The following TCF20 variants were observed in gnomAD, a reference collection of about 807,000 sequenced individuals.
TCF20 encodes transcription factor 20.
Under a neutral mutation model 148.6 loss-of-function variants are expected in TCF20, and 3 were observed. The observed-to-expected ratio is 0.02, with a 90% CI of 0.01 to 0.05. TCF20 has a LOEUF of 0.05. TCF20 is among the 10% of genes least tolerant of loss of function. TCF20 has a pLI of 1.00. For synonymous variants in TCF20, 1,049 were observed against 909.5 expected (o/e 1.15, Z -2.76); for missense variants, 2,350 against 2,429.3 (o/e 0.97, Z 0.69).
chr22:42,307,340 A>C (rs956457421), intron 1 of TCF20, among the ~76,000 whole-genome samples: 1 of 152,188 alleles, frequency 6.6e-6, no homozygotes, highest in South Asian at 2.1e-4. Flanking sequence ...TTCCATCTGC[A>C]CTTAGGCCCA....
At position 42,213,630 on chromosome 22, in the gene TCF20, G is replaced by A. The variant is rs542391202; in HGVS notation, c.1676C>T (p.Ser559Leu). ...TTCATTCTGAGCACCTTGTGCCGGTGAGGAGCCAGCTTTCTCAGAGGCTCC... is the reference window on the plus strand; with the variant it reads ...TTCATTCTGAGCACCTTGTGCCGGTAAGGAGCCAGCTTTCTCAGAGGCTCC... Reference protein sequence around the residue: ...KGGASEKAGSSPAQGAQNEPP... With the variant: ...KGGASEKAGSLPAQGAQNEPP... The change falls in exon 2 of 6, where the codon TCA (serine) becomes TTA (leucine). Residue 559 changes from serine (S) to leucine (L), a missense_variant. Ser to Leu is a moderately radical substitution (Grantham distance 145, BLOSUM62 -2). Coordinates refer to ENST00000677622, the MANE Select transcript of TCF20 (RefSeq NM_001378418.1). The A allele has an allele frequency of 1.3e-4, 210 of 1,614,162 alleles. 1 individual carries two copies. In the South Asian group the frequency reaches 2.1e-3, roughly 16 times the overall value.
At chr22:42,183,802 C>T (rs190413776) in intron 2 of TCF20, among the ~76,000 whole-genome samples, 119 of 145,280 alleles carry the variant, frequency 8.2e-4, no homozygotes, top group African/African-American at 2.9e-3. Context: ...GATGGAGTTT[C>T]GCTCTTGTCG....
intron 3 of TCF20, among the ~76,000 whole-genome samples, chr22:42,173,076 C>T (rs1005989636): frequency 2.6e-5 from 4 of 151,196 alleles, no homozygotes; most frequent in African/African-American, 9.7e-5. Context: ...GCTACTGCAA[C>T]GAGAGCTGCA....
At chr22:42,222,669 T>C (rs1263547889) in intron 1 of TCF20, among the ~76,000 whole-genome samples, 1 of 152,224 alleles carries the variant, frequency 6.6e-6, no homozygotes, top group Non-Finnish European at 1.5e-5. Context: ...CATGAGATCA[T>C]ATGGTTCTTA....
At chr22:42,205,053 TTC>T (rs936700972) in intron 2 of TCF20, among the ~76,000 whole-genome samples, 1 of 152,224 alleles carries the variant, frequency 6.6e-6, no homozygotes, top group African/African-American at 2.4e-5. Flanking sequence ...CAGATCTACC[TTC>T]TGTCACATCC....
intron 1 of TCF20, among the ~76,000 whole-genome samples, chr22:42,231,964 TTAA>T (rs1923458630): frequency 6.7e-6 from 1 of 150,262 alleles, no homozygotes; most frequent in African/African-American, 2.4e-5. Flanking sequence ...TAATCTAAGG[TTAA>T]TAATATCAAA....
chr22:42,175,621 G>A (rs1183225899), intron 3 of TCF20, among the ~76,000 whole-genome samples: 1 of 152,108 alleles, frequency 6.6e-6, no homozygotes, highest in South Asian at 2.1e-4. Context: ...TTACAGGTGT[G>A]AGCCACCGTG....
At chr22:42,293,151 GC>G (rs1927164212) in intron 1 of TCF20, among the ~76,000 whole-genome samples, 1 of 152,118 alleles carries the variant, frequency 6.6e-6, no homozygotes, top group South Asian at 2.1e-4. Flanking sequence ...TGTAGTGTTG[GC>G]CCCCCAGCCC....
intron 5 of TCF20, among the ~76,000 whole-genome samples, chr22:42,168,196 T>C (rs1935904839): frequency 6.6e-6 from 1 of 152,184 alleles, no homozygotes; most frequent in Non-Finnish European, 1.5e-5. Context: ...AAACACACCA[T>C]AAGCTTTACA....
chr22:42,172,839 G>A (rs1936210843), intron 3 of TCF20, among the ~76,000 whole-genome samples: 1 of 152,192 alleles, frequency 6.6e-6, no homozygotes, highest in Non-Finnish European at 1.5e-5. Flanking sequence ...GCAGGGCTTG[G>A]GACACAGGGG....
At chr22:42,169,159 C>CGT (rs1217670115) in intron 4 of TCF20, among the ~76,000 whole-genome samples, 1 of 151,548 alleles carries the variant, frequency 6.6e-6, no homozygotes, top group African/African-American at 2.4e-5. Context: ...GCCAGAGACA[C>CGT]AGTGCAGCCC....
chr22:42,262,971 A>G (rs1021738083), intron 1 of TCF20, among the ~76,000 whole-genome samples: 1 of 152,168 alleles, frequency 6.6e-6, no homozygotes, highest in African/African-American at 2.4e-5. Flanking sequence ...GTGTCTTAGT[A>G]CATAGCACAA....
At chr22:42,267,571 C>T (rs1018467119) in intron 1 of TCF20, among the ~76,000 whole-genome samples, 6 of 151,858 alleles carry the variant, frequency 4.0e-5, no homozygotes, top group African/African-American at 1.2e-4. Flanking sequence ...CGTGGTGGTG[C>T]GCACCTGTAG....
intron 2 of TCF20, among the ~76,000 whole-genome samples, chr22:42,198,332 G>T (rs1347289944): frequency 6.6e-6 from 1 of 152,190 alleles, no homozygotes; most frequent in East Asian, 1.9e-4. Flanking sequence ...TTGGTTTGAG[G>T]TCTAAATGTG....
chr22:42,242,492 G>A (rs1159477353), intron 1 of TCF20, among the ~76,000 whole-genome samples: 1 of 152,052 alleles, frequency 6.6e-6, no homozygotes, highest in African/African-American at 2.4e-5. Context: ...GGTCATATTA[G>A]GGGTTATCAT....
intron 4 of TCF20, 104 bp downstream of exon 4, chr22:42,169,743 G>T: frequency 8.4e-7 from 1 of 1,197,216 alleles, no homozygotes; most frequent in Non-Finnish European, 1.2e-6. Flanking sequence ...GCACAGGTGG[G>T]GACAGGTGTG....
chr22:42,217,816 A>G (rs1366028023), intron 1 of TCF20, among the ~76,000 whole-genome samples: 1 of 152,222 alleles, frequency 6.6e-6, no homozygotes, highest in Non-Finnish European at 1.5e-5. Flanking sequence ...AGACTTCAGA[A>G]AGTAAATATT....
chr22:42,203,520 T>G (rs558551830), intron 2 of TCF20, among the ~76,000 whole-genome samples: 1 of 152,352 alleles, frequency 6.6e-6, no homozygotes, highest in African/African-American at 2.4e-5. Flanking sequence ...TCCTTAGAAT[T>G]TGGACGAAAT....
Position 42,211,687 on chromosome 22 carries a change from A to G in TCF20, c.3619T>C (p.Ser1207Pro), listed in dbSNP as rs768879599. ...PAKSSGPPGM[S>P]SQKRYGPPHE... ...GGCGGCCCATACCTTTTTTGACTGGACATTCCTGGAGGACCGCTGCTTTTG... is the reference window on the plus strand; with the variant it reads ...GGCGGCCCATACCTTTTTTGACTGGGCATTCCTGGAGGACCGCTGCTTTTG... The change falls in exon 2 of 6, where the codon TCC becomes CCC. Residue 1207 changes from serine (S) to proline (P), a missense_variant. Around this residue, in one of 7 missense-constraint regions of TCF20, gnomAD observed 1,641 missense variants for 1,662.6 expected, o/e 0.99. Coordinates refer to ENST00000677622, the MANE Select transcript of TCF20 (RefSeq NM_001378418.1). The G allele has an allele frequency of 1.9e-6, 3 of 1,614,128 alleles. No homozygotes were observed. The South Asian group carries it at 3.3e-5, about 18-fold the overall frequency.
Sources: allele counts gnomAD v4.1 joint callset (sites outside exome capture counted in the v4.1 genomes callset), GRCh38; gene constraint gnomAD v4.1.1; regional missense constraint gnomAD v4.1.1; transcripts MANE v1.5; gene names NCBI Gene and HGNC (gene_info 2026-07-23, HGNC 2026-07-21).